Variants in KIAA1217 observed in about 807,000 individuals in gnomAD.
KIAA1217 encodes the protein KIAA1217, also known as sickle tail protein homolog.
In KIAA1217, 88 loss-of-function variants were observed where a neutral mutation model predicts 163.9. The observed-to-expected ratio is 0.54, with a 90% CI of 0.45 to 0.64. KIAA1217 has a LOEUF of 0.64. Ranked by LOEUF, KIAA1217 falls within the 30% of genes least tolerant of loss-of-function variation. The pLI, the probability that KIAA1217 is intolerant of heterozygous loss-of-function variation, is 0.00. For synonymous variants in KIAA1217, 903 were observed against 923.1 expected, an observed-to-expected ratio of 0.98 and a Z score of 0.39; for missense variants, 2,372 against 2,475.0, an observed-to-expected ratio of 0.96 and a Z score of 0.88.
intron 1 of KIAA1217, among the ~76,000 whole-genome samples, chr10:23,790,499 G>GTATATATACATATATACATA (rs1835822919): frequency 1.1e-5 from 1 of 88,698 alleles, no homozygotes; most frequent in Non-Finnish European, 2.0e-5. Context: ...ATATATACAT[G>GTATATATACATATATACATA]TGCATATATA....
intron 2 of KIAA1217, among the ~76,000 whole-genome samples, chr10:24,373,566 T>C (rs1253422640): frequency 6.6e-6 from 1 of 152,158 alleles, no homozygotes; most frequent in Non-Finnish European, 1.5e-5. Context: ...TTTTGTTGTT[T>C]CTGACAACCA....
chr10:23,821,290 T>TG (rs1837612247), intron 1 of KIAA1217, among the ~76,000 whole-genome samples: 2 of 152,286 alleles, frequency 1.3e-5, no homozygotes, highest in African/African-American at 4.8e-5. Context: ...AGCACAAACC[T>TG]GCCCAACAGG....
At chr10:24,105,490 T>C (rs1047752172) in intron 2 of KIAA1217, among the ~76,000 whole-genome samples, 8 of 152,202 alleles carry the variant, frequency 5.3e-5, no homozygotes, top group African/African-American at 1.9e-4. Flanking sequence ...AGCAGTGAGC[T>C]GAGCCAGGCA....
intron 8 of KIAA1217, among the ~76,000 whole-genome samples, chr10:24,496,973 A>G (rs894670901): frequency 2.6e-5 from 4 of 152,190 alleles, no homozygotes; most frequent in Admixed American, 2.0e-4. Flanking sequence ...CTGATTTGCA[A>G]CGCCACTGGC....
In KIAA1217 at chr10:24,351,934, C is replaced by G. The variant is rs147154018; in HGVS notation, c.355-28935C>G. On this transcript the variant is annotated intron_variant, in intron 2 of 20. Transcript: ENST00000376454. Reference sequence around the variant, plus strand: ...AGCCACCACCCTGCTGCTCACAGGTCTGACCCTCCCCTGTGGTTGATGGGC... The same window carrying G: ...AGCCACCACCCTGCTGCTCACAGGTGTGACCCTCCCCTGTGGTTGATGGGC... Among the ~76,000 whole-genome samples the G allele has an allele frequency of 3.3e-5, 5 of 152,328 alleles. No homozygotes were observed. In the East Asian group the frequency reaches 5.8e-4, roughly 18 times the overall value.
chr10:24,320,814 C>G (rs771971272), intron 2 of KIAA1217, among the ~76,000 whole-genome samples: 1 of 151,878 alleles, frequency 6.6e-6, no homozygotes, highest in Non-Finnish European at 1.5e-5. Flanking sequence ...GAGGCTGAGG[C>G]GGGCGGATCA....
intron 1 of KIAA1217, among the ~76,000 whole-genome samples, chr10:23,749,498 C>G (rs1176133003): frequency 6.6e-6 from 1 of 152,138 alleles, no homozygotes; most frequent in Non-Finnish European, 1.5e-5. Flanking sequence ...ACCTCCGCCT[C>G]CTAGGTTCAA....
intron 1 of KIAA1217, among the ~76,000 whole-genome samples, chr10:23,973,681 A>G (rs1194666084): frequency 6.6e-6 from 1 of 152,240 alleles, no homozygotes; most frequent in Non-Finnish European, 1.5e-5. Context: ...TCACTTCTGC[A>G]AAGGTTATTC....
chr10:24,362,676 T>C (rs2050182426), intron 2 of KIAA1217, among the ~76,000 whole-genome samples: 1 of 152,188 alleles, frequency 6.6e-6, no homozygotes, highest in African/African-American at 2.4e-5. Flanking sequence ...AGAGTCAAAA[T>C]TTGACTCTAT....
intron 1 of KIAA1217, among the ~76,000 whole-genome samples, chr10:24,005,010 C>T (rs1166921816): frequency 6.6e-6 from 1 of 152,168 alleles, no homozygotes; most frequent in Admixed American, 6.5e-5. Context: ...AACTTTCTGT[C>T]CCAAAGAGTA....
intron 2 of KIAA1217, among the ~76,000 whole-genome samples, chr10:24,194,632 G>C (rs747607170): frequency 2.0e-5 from 3 of 151,664 alleles, no homozygotes; most frequent in Non-Finnish European, 2.9e-5. Context: ...GAAGTGGAAT[G>C]ACATGATCAC....
chr10:24,436,830 T>C (rs2060085224), intron 4 of KIAA1217, among the ~76,000 whole-genome samples: 1 of 151,400 alleles, frequency 6.6e-6, no homozygotes, highest in South Asian at 2.1e-4. Context: ...GACAGTGACT[T>C]TAATCTTCTA....
chr10:24,262,520 G>A (rs12762948), intron 2 of KIAA1217, among the ~76,000 whole-genome samples: 41,602 of 151,818 alleles, frequency 0.27, 6,392 homozygotes, highest in Middle Eastern at 0.35. Context: ...CCAGCTTTTC[G>A]GGAGGCTGAA....
intron 2 of KIAA1217, among the ~76,000 whole-genome samples, chr10:24,290,095 G>A (rs2132427557): frequency 6.6e-6 from 1 of 152,240 alleles, no homozygotes; most frequent in African/African-American, 2.4e-5. Context: ...TAGGAGATAA[G>A]GAGGCCGAAA....
At chr10:23,770,353 T>C (rs1311580598) in intron 1 of KIAA1217, among the ~76,000 whole-genome samples, 1 of 152,210 alleles carries the variant, frequency 6.6e-6, no homozygotes, top group African/African-American at 2.4e-5. Flanking sequence ...ATCTCTGTTG[T>C]TTAGGCTTTA....
chr10:23,931,003 G>T (rs1424840398), intron 1 of KIAA1217, among the ~76,000 whole-genome samples: 2 of 151,986 alleles, frequency 1.3e-5, no homozygotes, highest in Non-Finnish European at 2.9e-5. Context: ...AAGTCTGGTG[G>T]AACTATCATC....
intron 2 of KIAA1217, among the ~76,000 whole-genome samples, chr10:24,111,788 C>T (rs577546172): frequency 1.3e-5 from 2 of 151,898 alleles, no homozygotes; most frequent in South Asian, 2.1e-4. Flanking sequence ...TGTTTTTTTG[C>T]GACAGGGTCT....
chr10:24,214,057 T>C (rs2068500170), intron 1 of KIAA1217, among the ~76,000 whole-genome samples: 1 of 152,120 alleles, frequency 6.6e-6, no homozygotes, highest in African/African-American at 2.4e-5. Flanking sequence ...CTCCAGATTC[T>C]GAGGCAGGAG....
intron 3 of KIAA1217, among the ~76,000 whole-genome samples, chr10:24,396,959 T>C (rs538808116): frequency 5.3e-5 from 8 of 151,944 alleles, no homozygotes; most frequent in Non-Finnish European, 7.4e-5. Flanking sequence ...CAGTTAGGAG[T>C]CTTGCAATAA....
Sources: gnomAD v4.1 joint callset for allele counts (sites outside exome capture counted in the v4.1 genomes callset) on GRCh38, gnomAD v4.1.1 for gene constraint, MANE v1.5 for transcripts, NCBI Gene and HGNC (gene_info 2026-07-23, HGNC 2026-07-21) for gene names.